Variants in STAM observed in about 807,000 individuals in gnomAD.
STAM encodes signal transducing adaptor molecule, also known as signal transducing adapter molecule 1.
In STAM, 16 loss-of-function variants were observed where a neutral mutation model predicts 63.4. That is an observed-to-expected ratio of 0.25 (90% confidence interval 0.17 to 0.38). The LOEUF is 0.38. STAM is among the 10% of genes least tolerant of loss of function. The probability of loss-of-function intolerance (pLI) is 1.00; values close to 1 mark genes in which losing one functional copy is unlikely to be tolerated. For synonymous variants in STAM, 238 were observed against 223.9 expected (o/e 1.06, Z -0.56); for missense variants, 636 against 657.1 (o/e 0.97, Z 0.35).
intron 9 of STAM, among the ~76,000 whole-genome samples, chr10:17,703,356 T>G: frequency 6.6e-6 from 1 of 151,874 alleles, no homozygotes; most frequent in East Asian, 1.9e-4. Flanking sequence ...AGCATACTTA[T>G]GTCACTTTCA....
intron 2 of STAM, among the ~76,000 whole-genome samples, chr10:17,660,963 A>G (rs1834143538): frequency 6.6e-6 from 1 of 151,908 alleles, no homozygotes; most frequent in African/African-American, 2.4e-5. Flanking sequence ...TTTTCCACTG[A>G]TTTTAGAGTT....
intron 2 of STAM, among the ~76,000 whole-genome samples, chr10:17,682,974 A>G (rs1224580084): frequency 2.0e-5 from 3 of 152,132 alleles, no homozygotes; most frequent in African/African-American, 4.8e-5. Flanking sequence ...TTTTATTATT[A>G]TGTACTGTCT....
intron 12 of STAM, 60 bp downstream of exon 12, chr10:17,705,801 C>A: frequency 6.5e-7 from 1 of 1,530,508 alleles, no homozygotes; most frequent in Non-Finnish European, 8.9e-7. Context: ...GGTGTGGTAG[C>A]TCATGCCTGT....
intron 2 of STAM, among the ~76,000 whole-genome samples, chr10:17,666,591 G>T (rs1834394364): frequency 6.6e-6 from 1 of 151,868 alleles, no homozygotes; most frequent in Non-Finnish European, 1.5e-5. Context: ...TAGAGACGGG[G>T]TTTCACCGTG....
At chr10:17,697,360 C>A (rs1055194874) in intron 8 of STAM, among the ~76,000 whole-genome samples, 2 of 152,184 alleles carry the variant, frequency 1.3e-5, no homozygotes, top group African/African-American at 4.8e-5. Context: ...TACAGTATAA[C>A]CTCAGGGAGG....
chr10:17,662,132 ACAGCTGTGTT>A (rs1252682309), intron 2 of STAM, among the ~76,000 whole-genome samples: 1 of 152,090 alleles, frequency 6.6e-6, no homozygotes, highest in African/African-American at 2.4e-5. Context: ...TTGCCGTATA[ACAGCTGTGTT>A]CATGTTACTC....
chr10:17,709,259 G>A (rs781915498), intron 13 of STAM, among the ~76,000 whole-genome samples: 1 of 152,094 alleles, frequency 6.6e-6, no homozygotes, highest in Non-Finnish European at 1.5e-5. Context: ...TGTCTTTAAT[G>A]AAATTTATGT....
chr10:17,671,082 A>G (rs1271713465), intron 2 of STAM, among the ~76,000 whole-genome samples: 1 of 152,166 alleles, frequency 6.6e-6, no homozygotes, highest in Non-Finnish European at 1.5e-5. Flanking sequence ...AATTTCTAAA[A>G]ATATTTAGTT....
rs1836801325 is a variant in STAM at position 17,716,050 on chromosome 10, C to T, written c.*1270C>T. The T allele has an allele frequency of 1.3e-5, 2 of 152,322 alleles. No individual in the cohort carries two copies. Among genetic ancestry groups the T allele is most frequent in the African/African-American group, 2.4e-5 (1 of 41,418 alleles). 9.4% of individuals were successfully genotyped at this position (152,322 alleles called of 1,614,324 possible). A position where few individuals can be genotyped will look rare whatever the true frequency, so the allele number is the denominator to read the frequency against. On this transcript the variant is annotated 3_prime_UTR_variant, in exon 14 of 14. Coordinates refer to ENST00000377524, the MANE Select transcript of STAM (RefSeq NM_003473.4). ...ACTTGGGAATATTTTCAAATGAATG[C>T]TTTTCTTTTAATTCATGCGAAAAAT...
At chr10:17,648,240 G>A (rs528091973) in intron 1 of STAM, among the ~76,000 whole-genome samples, 3 of 152,134 alleles carry the variant, frequency 2.0e-5, no homozygotes, top group Admixed American at 6.6e-5. Context: ...AAAATGCACC[G>A]ATCAGTGCTC....
chr10:17,670,906 G>T (rs1834613872), intron 2 of STAM, among the ~76,000 whole-genome samples: 2 of 151,898 alleles, frequency 1.3e-5, no homozygotes, highest in Non-Finnish European at 1.5e-5. Context: ...AATCAAATTT[G>T]CATTTTGAAT....
At chr10:17,711,083 C>T (rs1836533204) in intron 13 of STAM, among the ~76,000 whole-genome samples, 2 of 152,132 alleles carry the variant, frequency 1.3e-5, no homozygotes, top group South Asian at 2.1e-4. Context: ...AGCTTTCTAG[C>T]GGCAAATCAA....
intron 2 of STAM, among the ~76,000 whole-genome samples, chr10:17,661,306 G>A (rs1263815627): frequency 2.0e-5 from 3 of 152,190 alleles, no homozygotes; most frequent in Non-Finnish European, 4.4e-5. Flanking sequence ...AAAAAGATTA[G>A]GAAGCACTGC....
At chr10:17,703,741 C>A (rs1238074307) in intron 9 of STAM, among the ~76,000 whole-genome samples, 1 of 152,076 alleles carries the variant, frequency 6.6e-6, no homozygotes. Context: ...AATAGAGAAA[C>A]CACTAGTCTT....
At chr10:17,646,696 A>G (rs1282580780) in intron 1 of STAM, among the ~76,000 whole-genome samples, 7 of 152,218 alleles carry the variant, frequency 4.6e-5, no homozygotes, top group Admixed American at 4.6e-4. Context: ...TTGAAATATT[A>G]CAAAAGGTTT....
chr10:17,699,700 G>A (rs1250667744), intron 8 of STAM, among the ~76,000 whole-genome samples: 1 of 152,172 alleles, frequency 6.6e-6, no homozygotes, highest in Non-Finnish European at 1.5e-5. Context: ...TACGTGGCAC[G>A]CCAGATAATA....
chr10:17,686,567 G>A (rs1199544459), intron 4 of STAM, among the ~76,000 whole-genome samples: 3 of 151,980 alleles, frequency 2.0e-5, no homozygotes, highest in African/African-American at 7.2e-5. Context: ...AGCAGAGATG[G>A]GGTTTCACCA....
chr10:17,699,700 G>T (rs1250667744), intron 8 of STAM, among the ~76,000 whole-genome samples: 1 of 152,172 alleles, frequency 6.6e-6, no homozygotes, highest in Non-Finnish European at 1.5e-5. Flanking sequence ...TACGTGGCAC[G>T]CCAGATAATA....
rs1194082804 is a variant in STAM, at chr10:17,693,326, T to C, written c.535+14T>C. The C allele has an allele frequency of 2.5e-6, 4 of 1,590,636 alleles. No homozygotes were observed. The East Asian group carries it at 8.9e-5, about 36-fold the overall frequency. On this transcript the variant is annotated intron_variant, in intron 6 of 13. Coordinates refer to ENST00000377524, the MANE Select transcript of STAM (RefSeq NM_003473.4). ...ATTTAGCAAAAGGTGCGTTTTTAAG[T>C]CCCTGATGGTGGGAATAACATAAGC... is the stretch of plus-strand genomic sequence containing the variant.
Sources: allele counts gnomAD v4.1 joint callset (sites outside exome capture counted in the v4.1 genomes callset), GRCh38; gene constraint gnomAD v4.1.1; transcripts MANE v1.5; gene names NCBI Gene and HGNC (gene_info 2026-07-23, HGNC 2026-07-21).